Variants in MVB12B observed in about 807,000 individuals in gnomAD.
The protein encoded by MVB12B is multivesicular body subunit 12B.
In MVB12B, 16 loss-of-function variants were observed where a neutral mutation model predicts 41.6. That is an observed-to-expected ratio of 0.38 (90% CI 0.26 to 0.58). The LOEUF is 0.58. MVB12B is among the 20% of genes least tolerant of loss of function. MVB12B has a pLI of 0.62. For missense variants in MVB12B, 274 were observed against 380.2 expected, an observed-to-expected ratio of 0.72 and a Z score of 2.32; for synonymous variants, 133 against 139.7, an observed-to-expected ratio of 0.95 and a Z score of 0.34.
At chr9:126,452,445 A>T (rs972081264) in intron 7 of MVB12B, among the ~76,000 whole-genome samples, 1 of 152,156 alleles carries the variant, frequency 6.6e-6, no homozygotes, top group East Asian at 1.9e-4. Flanking sequence ...GTTGCCTGGG[A>T]GCTGGGGAAA....
chr9:126,344,736 C>T (rs1439141778), intron 2 of MVB12B, among the ~76,000 whole-genome samples: 1 of 152,226 alleles, frequency 6.6e-6, no homozygotes, highest in Non-Finnish European at 1.5e-5. Flanking sequence ...GGATTTATTT[C>T]TTACAGGTCT....
Position 126,395,950 on chromosome 9 carries a change from A to G in MVB12B, c.662+253A>G. 7.7e-7 allele frequency: 1 copy of G among 1,300,280 alleles called. No individual in the cohort carries two copies. Among genetic ancestry groups the G allele is most frequent in the Non-Finnish European group, 9.8e-7 (1 of 1,023,526 alleles). The allele number at this position is 1,300,280 out of a possible 1,614,324, so 80.5% of individuals were successfully genotyped here. ...CTAAAATTGCAGATTATGCAACTTA[A>G]AATTGGCTCCCTATTCAAAAGAGCT... On this transcript the variant is annotated intron_variant, in intron 6 of 9. Coordinates refer to ENST00000361171, the MANE Select transcript of MVB12B (RefSeq NM_033446.3). This position sits in a 1 kb window ranked among gnomAD's most constrained non-coding sequence, Gnocchi z 4.9.
intron 7 of MVB12B, among the ~76,000 whole-genome samples, chr9:126,435,637 C>T (rs933441479): frequency 2.0e-5 from 3 of 151,252 alleles, no homozygotes; most frequent in African/African-American, 4.9e-5. Flanking sequence ...CCACTCCCCT[C>T]CCAGAACCTC....
rs147841804 is a variant in MVB12B, at chr9:126,436,437, C to T, written c.757+14489C>T. The stretch of plus-strand genomic sequence containing the variant: ...GTAGCCCTCGCAGTGGGTGGAGTTT[C>T]AAAGTCAATTACTGCTTGTCCTATT... On this transcript the variant is annotated intron_variant, in intron 7 of 9. Coordinates refer to ENST00000361171, the MANE Select transcript of MVB12B (RefSeq NM_033446.3). The surrounding 1 kb of genome is among the most constrained non-coding windows in gnomAD (Gnocchi z 4.1). Among the ~76,000 whole-genome samples, 59 of 152,356 alleles carry T rather than the reference C, an allele frequency of 3.9e-4. No homozygotes were observed. Among genetic ancestry groups the T allele is most frequent in the Middle Eastern group, 3.4e-3 (1 of 294 alleles).
rs924126158 is a variant in MVB12B, at chr9:126,386,714, A to G, written c.409+56A>G. 2 of 1,306,882 alleles carry G rather than the reference A, an allele frequency of 1.5e-6. No individual in the cohort carries two copies. Among genetic ancestry groups the G allele is most frequent in the East Asian group, 2.3e-5 (1 of 43,054 alleles). The allele number at this position is 1,306,882 out of a possible 1,614,324, so 81.0% of individuals were successfully genotyped here. A position where few individuals can be genotyped will look rare whatever the true frequency, so the allele number is the denominator to read the frequency against. Reference sequence around the variant, plus strand: ...ATGAGCGTTTTCTTCCTCCAGGTATATTTGTAGGTGTTTTTCTATGTGCAT... The same window carrying G: ...ATGAGCGTTTTCTTCCTCCAGGTATGTTTGTAGGTGTTTTTCTATGTGCAT... On this transcript the variant is annotated intron_variant, in intron 4 of 9. Transcript: ENST00000361171. The surrounding 1 kb of genome is among the most constrained non-coding windows in gnomAD (Gnocchi z 4.3).
At chr9:126,397,181 C>T in intron 6 of MVB12B, 3 of 985,506 alleles carry the variant, frequency 3.0e-6, no homozygotes, top group Non-Finnish European at 3.6e-6. Flanking sequence ...ACAGCTGCTC[C>T]CTGCTGACAT....
intron 9 of MVB12B, among the ~76,000 whole-genome samples, chr9:126,502,467 G>A (rs780832387): frequency 6.6e-6 from 1 of 152,214 alleles, no homozygotes; most frequent in African/African-American, 2.4e-5. Flanking sequence ...AGGTGAGCTG[G>A]GGTCTCTGGC....
intron 6 of MVB12B, among the ~76,000 whole-genome samples, chr9:126,399,165 G>C (rs1831199326): frequency 6.6e-6 from 1 of 152,230 alleles, no homozygotes; most frequent in African/African-American, 2.4e-5. Context: ...TGGTGGCTAA[G>C]GTGGTAGAAG....
intron 1 of MVB12B, among the ~76,000 whole-genome samples, chr9:126,332,086 G>T (rs985814225): frequency 5.1e-4 from 77 of 152,154 alleles, no homozygotes; most frequent in Non-Finnish European, 1.2e-4. Flanking sequence ...GCTCCTTGCA[G>T]TTCCCCGAGC....
At chr9:126,427,239 T>C (rs1418962258) in intron 7 of MVB12B, among the ~76,000 whole-genome samples, 1 of 152,218 alleles carries the variant, frequency 6.6e-6, no homozygotes, top group African/African-American at 2.4e-5. Context: ...GGGGGACACC[T>C]ACTTGTTTGA....
chr9:126,433,216 T>C (rs28464264), intron 7 of MVB12B, among the ~76,000 whole-genome samples: 41,471 of 150,968 alleles, frequency 0.27, 5,772 homozygotes, highest in South Asian at 0.28. Context: ...GAAAGTGCTA[T>C]TGATGTATTG....
At chr9:126,445,333 GAC>G (rs1239360999) in intron 7 of MVB12B, among the ~76,000 whole-genome samples, 3 of 152,088 alleles carry the variant, frequency 2.0e-5, no homozygotes, top group African/African-American at 4.8e-5. Flanking sequence ...TTGAGACAGG[GAC>G]TCACTCTGTC....
intron 2 of MVB12B, among the ~76,000 whole-genome samples, chr9:126,380,662 G>A (rs1307565136): frequency 3.3e-5 from 5 of 152,126 alleles, no homozygotes; most frequent in East Asian, 1.9e-4. Context: ...TGTCACCCTC[G>A]CCGCAGGCAG....
intron 7 of MVB12B, among the ~76,000 whole-genome samples, chr9:126,425,907 A>G (rs1310923920): frequency 6.6e-6 from 1 of 152,246 alleles, no homozygotes; most frequent in African/African-American, 2.4e-5. Flanking sequence ...AGCAAACTAA[A>G]GCCCATGGCC....
chr9:126,415,488 T>G (rs1457963653), intron 6 of MVB12B, among the ~76,000 whole-genome samples: 2 of 152,198 alleles, frequency 1.3e-5, no homozygotes, highest in African/African-American at 2.4e-5. Context: ...CTGATTCTAG[T>G]TTTTGGCTTT....
At chr9:126,502,253 C>CG (rs1833973811) in intron 9 of MVB12B, among the ~76,000 whole-genome samples, 1 of 152,142 alleles carries the variant, frequency 6.6e-6, no homozygotes, top group African/African-American at 2.4e-5. Flanking sequence ...CACCTGTGTC[C>CG]GGCCAGGCAG....
intron 4 of MVB12B, among the ~76,000 whole-genome samples, chr9:126,387,721 A>G (rs1305665884): frequency 6.6e-6 from 1 of 152,210 alleles, no homozygotes; most frequent in African/African-American, 2.4e-5. Context: ...CATTTACTGT[A>G]TGTTCACCCC....
Position 126,476,649 on chromosome 9 carries a change from G to C in MVB12B, c.758-4720G>C, listed in dbSNP as rs192308519. 8.6e-3 allele frequency among the ~76,000 whole-genome samples: 1,307 copies of C among 152,240 alleles called. 18 individuals carry two copies. Among genetic ancestry groups the C allele is most frequent in the African/African-American group, 0.03 (1,262 of 41,536 alleles). On this transcript the variant is annotated intron_variant, in intron 7 of 9. Transcript: ENST00000361171. The stretch of plus-strand genomic sequence containing the variant: ...CCCAAGACTTTGGGAGGCTGAGGCG[G>C]GCGGATCACAAGGTCAGGAGATCGA...
chr9:126,490,474 C>T (rs1367913115), intron 9 of MVB12B, among the ~76,000 whole-genome samples: 2 of 152,220 alleles, frequency 1.3e-5, no homozygotes, highest in Non-Finnish European at 2.9e-5. Flanking sequence ...CATGCGGAGC[C>T]GTTTCTATCA....
Sources: allele counts gnomAD v4.1 joint callset (sites outside exome capture counted in the v4.1 genomes callset), GRCh38; gene constraint gnomAD v4.1.1; non-coding constraint Gnocchi (gnomAD v3.1); transcripts MANE v1.5; gene names NCBI Gene and HGNC (gene_info 2026-07-23, HGNC 2026-07-21).